GALNT16: variants seen among roughly 807,000 people sequenced by gnomAD.
GALNT16 encodes polypeptide N-acetylgalactosaminyltransferase 16.
A neutral mutation model predicts 76.1 loss-of-function variants in GALNT16; 40 were observed. That is an observed-to-expected ratio of 0.53 (90% CI 0.41 to 0.68). The LOEUF (loss-of-function observed/expected upper bound fraction) is 0.68. Among genes scored for constraint, GALNT16 ranks in the 30% least tolerant of loss-of-function variants. The pLI is 0.00. For synonymous variants in GALNT16, 276 were observed against 285.2 expected, an observed-to-expected ratio of 0.97 and a Z score of 0.32; for missense variants, 621 against 731.9, an observed-to-expected ratio of 0.85 and a Z score of 1.75.
chr14:69,357,620 G>T (rs1271936107), downstream of GALNT16: 2 of 152,254 alleles, frequency 1.3e-5, no homozygotes, highest in African/African-American at 4.8e-5. Flanking sequence ...GATACTCATG[G>T]TGGAGGCGTT....
chr14:69,381,166 G>C, the GALNT16 span, among the ~76,000 whole-genome samples: 2 of 152,062 alleles, frequency 1.3e-5, no homozygotes, highest in African/African-American at 4.8e-5. Context: ...CTGTAGTCCT[G>C]CCTACTCAGG....
intron 5 of GALNT16, among the ~76,000 whole-genome samples, chr14:69,327,721 G>C (rs2140173763): frequency 6.6e-6 from 1 of 152,292 alleles, no homozygotes; most frequent in East Asian, 1.9e-4. Context: ...ACAGCTCACA[G>C]GGCACACATG....
In GALNT16 at chr14:69,329,281, C is replaced by T. The variant is rs576008964; in HGVS notation, c.690+710C>T. ...CAGAGGCGGGAGAATCACCTGGTCC[C>T]GGGAGGCAGAGGTTGCAGTGAGCCA... On this transcript the variant is annotated intron_variant, in intron 6 of 14. Transcript: ENST00000448469. Among the ~76,000 whole-genome samples, 9 of 152,046 alleles carry T rather than the reference C, an allele frequency of 5.9e-5. No individual in the cohort carries two copies. The South Asian group carries it at 1.5e-3, about 25-fold the overall frequency.
intron 13 of GALNT16, 77 bp downstream of exon 13, chr14:69,347,258 T>C: frequency 2.2e-6 from 3 of 1,351,956 alleles, no homozygotes; most frequent in Non-Finnish European, 3.0e-6. Flanking sequence ...GACTTCCCCC[T>C]ACTCATTCTC....
At chr14:69,323,372 G>A (rs961544886) in intron 2 of GALNT16, among the ~76,000 whole-genome samples, 4 of 152,222 alleles carry the variant, frequency 2.6e-5, no homozygotes, top group African/African-American at 9.6e-5. Flanking sequence ...GGGCTGGAGG[G>A]AGCCGGTGGG....
At chr14:69,280,717 G>A (rs2044529635) in intron 1 of GALNT16, among the ~76,000 whole-genome samples, 1 of 152,146 alleles carries the variant, frequency 6.6e-6, no homozygotes, top group Admixed American at 6.5e-5. Flanking sequence ...GCCTGGATGA[G>A]GCCCATGGAG....
chr14:69,314,506 C>T (rs1046871849), intron 1 of GALNT16, among the ~76,000 whole-genome samples: 1 of 152,228 alleles, frequency 6.6e-6, no homozygotes, highest in African/African-American at 2.4e-5. Context: ...TCCCCTGTAC[C>T]CAACCTGAGG....
chr14:69,260,503 G>A, intron 1 of GALNT16, 36 bp downstream of exon 1: 2 of 1,320,138 alleles, frequency 1.5e-6, no homozygotes, highest in South Asian at 4.5e-5. Context: ...GCCGGCTAGG[G>A]AGCCGCGGCG....
In GALNT16 at chr14:69,352,103, C is replaced by A; in HGVS notation, c.1612C>A (p.Leu538Met). 2 of 1,613,982 alleles carry A rather than the reference C, an allele frequency of 1.2e-6. No homozygotes were observed. Among genetic ancestry groups the A allele is most frequent in the Non-Finnish European group, 1.7e-6 (2 of 1,179,816 alleles). ...CTGCCTGGAGACAAAGCCTGCCCAG[C>A]TGGTGACCAGCAAGTGTCAGGCTGA... Reference protein sequence around the residue: ...GLCLETKPAQLVTSKCQADAQ... With the variant: ...GLCLETKPAQMVTSKCQADAQ... Residue 538 changes from leucine to methionine, a missense_variant, in exon 15 of 15, where the codon CTG becomes ATG. Transcript: ENST00000448469.
intron 4 of GALNT16, 100 bp from the exon 5 acceptor site, chr14:69,325,862 C>A: frequency 1.1e-6 from 1 of 908,652 alleles, no homozygotes; most frequent in Non-Finnish European, 1.8e-6. Flanking sequence ...ATCCCCAACC[C>A]TTTCCTGGGC....
intron 5 of GALNT16, among the ~76,000 whole-genome samples, chr14:69,327,770 C>A (rs1481621867): frequency 2.0e-5 from 3 of 152,216 alleles, no homozygotes; most frequent in African/African-American, 7.2e-5. Flanking sequence ...GGCCTCCTCC[C>A]TCCTGACCAG....
chr14:69,320,820 G>A lies in GALNT16; in HGVS notation c.287G>A (p.Ser96Asn). The A allele has an allele frequency of 1.2e-6, 2 of 1,614,208 alleles. No homozygotes were observed. Among genetic ancestry groups the A allele is most frequent in the South Asian group, 2.2e-5 (2 of 91,084 alleles). Residue 96 changes from serine (S) to asparagine (N), a missense_variant, in exon 2 of 15, where the codon AGT becomes AAT. Physicochemically the swap from Ser to Asn is conservative, Grantham distance 46 (BLOSUM62 1). Transcript: ENST00000448469. ...CAGCACGCCTTCAACCAGCTGGAGAGTGACAAGCTGAGCCCAGACCGGCCC... is the reference window on the plus strand; with the variant it reads ...CAGCACGCCTTCAACCAGCTGGAGAATGACAAGCTGAGCCCAGACCGGCCC... ...YRQHAFNQLE[S>N]DKLSPDRPIR...
chr14:69,296,353 G>C (rs1260788125), intron 1 of GALNT16, among the ~76,000 whole-genome samples: 1 of 152,066 alleles, frequency 6.6e-6, no homozygotes, highest in African/African-American at 2.4e-5. Context: ...ATGAGATTTG[G>C]GTGGGAACGC....
chr14:69,373,527 T>C, the GALNT16 span, among the ~76,000 whole-genome samples: 1 of 152,190 alleles, frequency 6.6e-6, no homozygotes, highest in Non-Finnish European at 1.5e-5. Context: ...AAGTGTATAA[T>C]TACAAAAAAG....
chr14:69,377,804 C>CAAAAA, the GALNT16 span, among the ~76,000 whole-genome samples: 166 of 37,496 alleles, frequency 4.4e-3, 7 homozygotes, highest in East Asian at 8.4e-3. Context: ...GAGACTGTCT[C>CAAAAA]AAAAAAAAAA....
At chr14:69,286,334 C>T (rs2044611972) in intron 1 of GALNT16, among the ~76,000 whole-genome samples, 1 of 149,512 alleles carries the variant, frequency 6.7e-6, no homozygotes, top group African/African-American at 2.5e-5. Context: ...TGAAGTCTCG[C>T]TATTGTAGCC....
chr14:69,380,576 C>G, the GALNT16 span: 1 of 1,607,878 alleles, frequency 6.2e-7, no homozygotes, highest in Non-Finnish European at 8.5e-7. Flanking sequence ...CGAAGGAGCA[C>G]GTAGATCTTC....
At chr14:69,310,641 C>A (rs74059946) in intron 1 of GALNT16, among the ~76,000 whole-genome samples, 19,197 of 152,184 alleles carry the variant, frequency 0.13, 1,235 homozygotes, top group Middle Eastern at 0.19. Context: ...TTCCATTGAT[C>A]CCTGTACATG....
chr14:69,351,107 C>T (rs1456380008), intron 14 of GALNT16: 1 of 152,266 alleles, frequency 6.6e-6, no homozygotes, highest in Non-Finnish European at 1.5e-5. Flanking sequence ...CCTGCTGGCC[C>T]CACACTTCAT....
Sources: gnomAD v4.1 joint callset for allele counts (sites outside exome capture counted in the v4.1 genomes callset) on GRCh38, gnomAD v4.1.1 for gene constraint, MANE v1.5 for transcripts, NCBI Gene and HGNC (gene_info 2026-07-23, HGNC 2026-07-21) for gene names.